Variants in FHIT observed in about 807,000 individuals in gnomAD.
The protein encoded by FHIT is bis(5'-adenosyl)-triphosphatase.
Under a neutral mutation model 17.9 loss-of-function variants are expected in FHIT, and 19 were observed. The observed-to-expected ratio is 1.06, with a 90% CI of 0.74 to 1.56. FHIT has a LOEUF of 1.56. Ranked by LOEUF, FHIT falls within the 40% of genes most tolerant of loss-of-function variation. The probability of loss-of-function intolerance (pLI) is 0.00; values close to 1 mark genes in which losing one functional copy is unlikely to be tolerated. For synonymous variants in FHIT, 81 were observed against 69.7 expected, an observed-to-expected ratio of 1.16 and a Z score of -0.81; for missense variants, 248 against 189.2, an observed-to-expected ratio of 1.31 and a Z score of -1.82.
chr3:60,737,808 T>C (rs782805543), intron 4 of FHIT, among the ~76,000 whole-genome samples: 1 of 152,168 alleles, frequency 6.6e-6, no homozygotes, highest in Non-Finnish European at 1.5e-5. Flanking sequence ...TACATCACAA[T>C]GGAATGTAAG....
chr3:59,963,740 C>T (rs1474226138), intron 7 of FHIT, among the ~76,000 whole-genome samples: 1 of 152,284 alleles, frequency 6.6e-6, no homozygotes, highest in Admixed American at 6.5e-5. Context: ...AGCTCTTTGA[C>T]TCCAAGAAGA....
chr3:59,887,730 C>A (rs764583549), intron 8 of FHIT, among the ~76,000 whole-genome samples: 12 of 152,172 alleles, frequency 7.9e-5, no homozygotes, highest in Middle Eastern at 3.2e-3. Flanking sequence ...CTCAAGAATC[C>A]AAAGGCATTC....
intron 5 of FHIT, among the ~76,000 whole-genome samples, chr3:60,224,292 T>G (rs1263010939): frequency 2.0e-5 from 3 of 152,132 alleles, no homozygotes; most frequent in Non-Finnish European, 2.9e-5. Flanking sequence ...CTATCCCTCT[T>G]GTGAAAACTG....
At chr3:60,173,614 G>A (rs574195730) in intron 5 of FHIT, among the ~76,000 whole-genome samples, 6 of 151,948 alleles carry the variant, frequency 3.9e-5, no homozygotes, top group Non-Finnish European at 8.8e-5. Flanking sequence ...GTGGGAAGGT[G>A]AGGCCTAGGC....
At chr3:60,428,017 C>T (rs977680493) in intron 5 of FHIT, among the ~76,000 whole-genome samples, 2 of 152,100 alleles carry the variant, frequency 1.3e-5, no homozygotes, top group East Asian at 3.9e-4. Context: ...ATATTCAAGG[C>T]TTCTTTTCTA....
intron 3 of FHIT, among the ~76,000 whole-genome samples, chr3:60,860,142 C>T (rs6793716): frequency 0.041 from 3,232 of 78,994 alleles, 661 homozygotes; most frequent in African/African-American, 0.069. Context: ...GATATATATA[C>T]ATATGGTATA....
At chr3:60,192,346 G>C (rs1043216419) in intron 5 of FHIT, among the ~76,000 whole-genome samples, 2 of 152,104 alleles carry the variant, frequency 1.3e-5, no homozygotes, top group Admixed American at 6.5e-5. Context: ...CTAAAGCAAG[G>C]AGACAAATGC....
rs1476829953 is a variant in FHIT, at chr3:60,778,158, A to G, written c.-18+43761T>C. ...TTCCAAAATTGTATGGGATTTCTAA[A>G]ATTCTAATGTCTGAGTATATGCTAT... On this transcript the variant is annotated intron_variant, in intron 4 of 9. Transcript: ENST00000492590. Among the ~76,000 whole-genome samples, 3 of 152,186 alleles carry G rather than the reference A, an allele frequency of 2.0e-5. No homozygotes were observed. In the East Asian group the frequency reaches 5.8e-4, roughly 29 times the overall value.
chr3:60,026,566 A>G (rs1259175422), intron 5 of FHIT, among the ~76,000 whole-genome samples: 3 of 152,212 alleles, frequency 2.0e-5, no homozygotes, highest in African/African-American at 7.2e-5. Flanking sequence ...CACTGGTAGC[A>G]GAGTCTAGGA....
At chr3:60,283,566 C>A (rs1707570568) in intron 5 of FHIT, among the ~76,000 whole-genome samples, 1 of 151,980 alleles carries the variant, frequency 6.6e-6, no homozygotes, top group Non-Finnish European at 1.5e-5. Flanking sequence ...AAGAATTGAT[C>A]CACTAGGGAT....
chr3:60,922,420 T>C (rs1225090165), intron 3 of FHIT, among the ~76,000 whole-genome samples: 1 of 152,252 alleles, frequency 6.6e-6, no homozygotes, highest in Non-Finnish European at 1.5e-5. Context: ...GGACCCATTA[T>C]CTTTGACCTT....
At chr3:61,023,866 T>G (rs1484594022) in intron 3 of FHIT, among the ~76,000 whole-genome samples, 1 of 152,104 alleles carries the variant, frequency 6.6e-6, no homozygotes. Flanking sequence ...GATTAAAGAC[T>G]TAAACATAAG....
chr3:61,077,235 G>C (rs2034997651), intron 2 of FHIT, among the ~76,000 whole-genome samples: 1 of 152,102 alleles, frequency 6.6e-6, no homozygotes, highest in African/African-American at 2.4e-5. Flanking sequence ...CAGTGTCATT[G>C]AATTGGACTT....
At chr3:60,050,141 G>C (rs1316237262) in intron 5 of FHIT, among the ~76,000 whole-genome samples, 3 of 152,068 alleles carry the variant, frequency 2.0e-5, no homozygotes, top group East Asian at 1.9e-4. Flanking sequence ...TTACCAATTA[G>C]TAGAAGTAAA....
chr3:60,700,425 T>C (rs375083489), intron 4 of FHIT, among the ~76,000 whole-genome samples: 39 of 152,278 alleles, frequency 2.6e-4, no homozygotes, highest in Admixed American at 6.5e-4. Context: ...ACATCACATA[T>C]AGATGTATTT....
chr3:60,047,418 A>C (rs1415440983), intron 5 of FHIT, among the ~76,000 whole-genome samples: 1 of 152,228 alleles, frequency 6.6e-6, no homozygotes, highest in Non-Finnish European at 1.5e-5. Context: ...AAGAAAACTC[A>C]GGATAAATCA....
At chr3:60,423,223 G>A (rs1452204161) in intron 5 of FHIT, among the ~76,000 whole-genome samples, 1 of 152,070 alleles carries the variant, frequency 6.6e-6, no homozygotes, top group Non-Finnish European at 1.5e-5. Context: ...AGATGGTAGA[G>A]TAGAGAGACA....
chr3:59,811,834 A>G (rs1700416293), intron 8 of FHIT, among the ~76,000 whole-genome samples: 1 of 152,200 alleles, frequency 6.6e-6, no homozygotes, highest in Non-Finnish European at 1.5e-5. Flanking sequence ...GGCAGTTAAT[A>G]CTATTCAAGA....
intron 4 of FHIT, among the ~76,000 whole-genome samples, chr3:60,642,691 T>C (rs556660202): frequency 2.1e-4 from 32 of 152,206 alleles, no homozygotes; most frequent in African/African-American, 7.5e-4. Context: ...GGAAACAATC[T>C]CAAGATCAGA....
Sources: gnomAD v4.1 joint callset for allele counts (sites outside exome capture counted in the v4.1 genomes callset) on GRCh38, gnomAD v4.1.1 for gene constraint, MANE v1.5 for transcripts, NCBI Gene and HGNC (gene_info 2026-07-23, HGNC 2026-07-21) for gene names.